FAF1: variants seen among roughly 807,000 people sequenced by gnomAD.
FAF1 encodes the protein FAS-associated factor 1.
Under a neutral mutation model 92.5 loss-of-function variants are expected in FAF1, and 25 were observed. The observed-to-expected ratio is 0.27, with a 90% CI of 0.20 to 0.38. The LOEUF is 0.38. Ranked by LOEUF, FAF1 falls within the 10% of genes least tolerant of loss-of-function variation. FAF1 has a pLI of 1.00. For missense variants in FAF1, 636 were observed against 793.3 expected (o/e 0.80, Z 2.38); for synonymous variants, 234 against 273.2 (o/e 0.86, Z 1.42).
chr1:50,559,964 T>G (rs1193668310), intron 13 of FAF1, among the ~76,000 whole-genome samples: 4 of 152,232 alleles, frequency 2.6e-5, no homozygotes, highest in Non-Finnish European at 2.9e-5. Flanking sequence ...AAGGCTCTCC[T>G]GAAGTCTTAG....
chr1:50,813,356 C>A lies in FAF1; in HGVS notation c.115-11679G>T, dbSNP rs535000049. 6.6e-5 allele frequency among the ~76,000 whole-genome samples: 10 copies of A among 152,084 alleles called. No homozygotes were observed. In the South Asian group the frequency reaches 1.9e-3, roughly 28 times the overall value. ...GAAGAAAATTTCACTGAGAGGAAAA[C>A]CATTGCTAATATTTTAGTGTATATC... is the stretch of plus-strand genomic sequence containing the variant. On this transcript the variant is annotated intron_variant, in intron 2 of 18. Transcript: ENST00000396153.
intron 4 of FAF1, among the ~76,000 whole-genome samples, chr1:50,760,744 C>T (rs896031783): frequency 1.3e-5 from 2 of 151,854 alleles, no homozygotes; most frequent in Non-Finnish European, 2.9e-5. Context: ...TGGAAAGATC[C>T]AAAATTGACA....
chr1:50,954,511 C>G (rs950993822), intron 1 of FAF1, among the ~76,000 whole-genome samples: 2 of 145,990 alleles, frequency 1.4e-5, no homozygotes, highest in Non-Finnish European at 3.0e-5. Flanking sequence ...CCCTGTGTTT[C>G]TAAAACAATA....
At chr1:50,495,771 T>G (rs1048033456) in intron 15 of FAF1, among the ~76,000 whole-genome samples, 5 of 152,182 alleles carry the variant, frequency 3.3e-5, no homozygotes, top group African/African-American at 1.2e-4. Context: ...CTCCAGCATT[T>G]GTTATTCCCT....
At chr1:50,938,927 G>A (rs1288663209) in intron 1 of FAF1, among the ~76,000 whole-genome samples, 2 of 152,116 alleles carry the variant, frequency 1.3e-5, no homozygotes, top group African/African-American at 4.8e-5. Context: ...TGGTCTATGT[G>A]TCTGTTTTTG....
At chr1:50,554,517 A>C (rs1649476367) in intron 13 of FAF1, among the ~76,000 whole-genome samples, 1 of 151,872 alleles carries the variant, frequency 6.6e-6, no homozygotes, top group African/African-American at 2.4e-5. Context: ...GCTTCTTAAA[A>C]AGCCGTACTA....
intron 18 of FAF1, among the ~76,000 whole-genome samples, chr1:50,457,635 C>A (rs1415730654): frequency 6.6e-6 from 1 of 150,530 alleles, no homozygotes; most frequent in East Asian, 1.9e-4. Context: ...TGCCTGTAAT[C>A]CCAGCACTTT....
intron 12 of FAF1, among the ~76,000 whole-genome samples, chr1:50,578,694 G>A (rs1650860716): frequency 6.6e-6 from 1 of 152,126 alleles, no homozygotes; most frequent in Admixed American, 6.5e-5. Context: ...TGGTTGTGGA[G>A]TTCAAATGAG....
intron 9 of FAF1, among the ~76,000 whole-genome samples, chr1:50,590,753 G>A (rs377603121): frequency 5.3e-4 from 80 of 152,044 alleles, no homozygotes; most frequent in South Asian, 4.6e-3. Context: ...AGGCTGAGGC[G>A]GATAGATCAC....
intron 6 of FAF1, among the ~76,000 whole-genome samples, chr1:50,733,254 T>C (rs1659003588): frequency 6.6e-6 from 1 of 152,204 alleles, no homozygotes; most frequent in Non-Finnish European, 1.5e-5. Flanking sequence ...TATTTTGATG[T>C]TATCTATAAT....
At chr1:50,739,575 G>A (rs901199371) in intron 5 of FAF1, among the ~76,000 whole-genome samples, 5 of 152,140 alleles carry the variant, frequency 3.3e-5, no homozygotes, top group Non-Finnish European at 5.9e-5. Flanking sequence ...CACTGAAGAA[G>A]TATATCCTTG....
chr1:50,520,920 A>G (rs1325939475), intron 15 of FAF1, among the ~76,000 whole-genome samples: 2 of 152,206 alleles, frequency 1.3e-5, no homozygotes, highest in African/African-American at 4.8e-5. Context: ...ATTCTTCTAG[A>G]TCATATAACA....
chr1:50,535,268 C>T (rs1021736013), intron 15 of FAF1, 101 bp downstream of exon 15: 3 of 765,098 alleles, frequency 3.9e-6, no homozygotes, highest in Middle Eastern at 2.4e-4. Context: ...TCTTCATCAT[C>T]CTTATTTATC....
chr1:50,846,971 G>C (rs1644306982), intron 2 of FAF1: 2 of 226,186 alleles, frequency 8.8e-6, no homozygotes, highest in South Asian at 1.3e-4. Flanking sequence ...TGATTTTTCT[G>C]AGATATTTTT....
At position 50,689,440 on chromosome 1, in the gene FAF1, C is replaced by T. The variant is rs1015387282; in HGVS notation, c.657+16346G>A. 2.6e-5 allele frequency among the ~76,000 whole-genome samples: 4 copies of T among 152,082 alleles called. No individual in the cohort carries two copies. In the East Asian group the frequency reaches 7.7e-4, roughly 29 times the overall value. On this transcript the variant is annotated intron_variant, in intron 7 of 18. Coordinates refer to ENST00000396153, the MANE Select transcript of FAF1 (RefSeq NM_007051.3). ...TCTACTAAACATAGAAAAAATTGGCCAGGCATGGTGGCAGGCACCTGCGGT... is the reference window on the plus strand; with the variant it reads ...TCTACTAAACATAGAAAAAATTGGCTAGGCATGGTGGCAGGCACCTGCGGT...
chr1:50,611,735 G>A (rs1232943951), intron 8 of FAF1, among the ~76,000 whole-genome samples: 4 of 152,104 alleles, frequency 2.6e-5, no homozygotes, highest in Non-Finnish European at 5.9e-5. Flanking sequence ...GGACAGATAC[G>A]TATTTTTCAC....
At chr1:50,571,896 G>A (rs1279882627) in intron 12 of FAF1, among the ~76,000 whole-genome samples, 1 of 152,194 alleles carries the variant, frequency 6.6e-6, no homozygotes, top group Non-Finnish European at 1.5e-5. Context: ...AGAAAGGGTT[G>A]TATTTTGAGT....
intron 13 of FAF1, 31 bp downstream of exon 13, chr1:50,567,046 C>A: frequency 2.0e-6 from 3 of 1,474,078 alleles, no homozygotes; most frequent in South Asian, 1.5e-5. Context: ...TAATAGAAGC[C>A]CAACTTGTAA....
intron 2 of FAF1, among the ~76,000 whole-genome samples, chr1:50,848,167 TAAAAC>T (rs1205453885): frequency 6.6e-6 from 1 of 151,776 alleles, no homozygotes; most frequent in African/African-American, 2.4e-5. Flanking sequence ...ACAATGGAAA[TAAAAC>T]AAATGATAAT....
Sources: allele counts gnomAD v4.1 joint callset (sites outside exome capture counted in the v4.1 genomes callset), GRCh38; gene constraint gnomAD v4.1.1; transcripts MANE v1.5; gene names NCBI Gene and HGNC (gene_info 2026-07-23, HGNC 2026-07-21).